Variants in MAPRE2 observed in about 807,000 individuals in gnomAD.
MAPRE2 encodes microtubule associated protein RP/EB family member 2.
A neutral mutation model predicts 43.2 loss-of-function variants in MAPRE2; 13 were observed. The observed-to-expected ratio is 0.30, with a 90% CI of 0.20 to 0.48. The LOEUF is 0.48. Among genes scored for constraint, MAPRE2 ranks in the 20% least tolerant of loss-of-function variants. MAPRE2 has a pLI of 0.99. For missense variants in MAPRE2, 161 were observed against 400.2 expected (o/e 0.40, Z 5.10); for synonymous variants, 135 against 148.8 (o/e 0.91, Z 0.68).
At chr18:35,059,827 A>G (rs1906429249) in intron 1 of MAPRE2, among the ~76,000 whole-genome samples, 1 of 152,176 alleles carries the variant, frequency 6.6e-6, no homozygotes, top group South Asian at 2.1e-4. Flanking sequence ...ATCCCTAAGG[A>G]TGAAACTTGA....
intron 2 of MAPRE2, among the ~76,000 whole-genome samples, chr18:35,013,667 T>C (rs1173830992): frequency 6.6e-6 from 1 of 152,122 alleles, no homozygotes; most frequent in African/African-American, 2.4e-5. Flanking sequence ...CCCTATCCTT[T>C]CCTTCCCCCA....
Position 34,993,563 on chromosome 18 carries a change from G to A in MAPRE2, c.-69-11929G>A, listed in dbSNP as rs527455854. On this transcript the variant is annotated intron_variant, in intron 1 of 7. Transcript: ENST00000413393. ...GACTGTAGTTGAGTCATGCTTGTGA[G>A]TATAGAAAGACCATACATCAACAGT... 1.6e-3 allele frequency among the ~76,000 whole-genome samples: 251 copies of A among 152,290 alleles called. 4 individuals are homozygous for A. The highest frequency in any genetic ancestry group is 5.4e-3 in the African/African-American group (226 of 41,548).
intron 2 of MAPRE2, among the ~76,000 whole-genome samples, chr18:35,076,164 A>G (rs1472595534): frequency 1.3e-5 from 2 of 152,176 alleles, no homozygotes; most frequent in African/African-American, 4.8e-5. Context: ...ACTACATTCA[A>G]TTCTATAATC....
chr18:35,115,707 C>T (rs1259676506), intron 4 of MAPRE2, among the ~76,000 whole-genome samples: 2 of 152,060 alleles, frequency 1.3e-5, no homozygotes, highest in African/African-American at 4.8e-5. Flanking sequence ...TATTTCATTC[C>T]TTTTTATGGC....
chr18:35,058,672 TA>T (rs1906366630), intron 1 of MAPRE2, among the ~76,000 whole-genome samples: 1 of 152,232 alleles, frequency 6.6e-6, no homozygotes, highest in South Asian at 2.1e-4. Context: ...TTCCCAGCGA[TA>T]AACTGAGTAA....
intron 1 of MAPRE2, among the ~76,000 whole-genome samples, chr18:35,063,135 A>G (rs551199874): frequency 4.6e-5 from 7 of 151,646 alleles, no homozygotes; most frequent in Non-Finnish European, 7.4e-5. Context: ...ATGGAGTCTC[A>G]CTCTGTCGCC....
intron 2 of MAPRE2, among the ~76,000 whole-genome samples, chr18:35,026,236 G>A (rs2097045110): frequency 6.6e-6 from 1 of 152,114 alleles, no homozygotes; most frequent in Non-Finnish European, 1.5e-5. Context: ...CAGACAGATG[G>A]GTAGAGAGGG....
intron 2 of MAPRE2, among the ~76,000 whole-genome samples, chr18:35,012,906 A>G (rs935967530): frequency 6.6e-6 from 1 of 152,190 alleles, no homozygotes; most frequent in Non-Finnish European, 1.5e-5. Context: ...AAATTTTGTT[A>G]TATGCATTTT....
chr18:35,133,145 T>C (rs1224528572), intron 6 of MAPRE2, among the ~76,000 whole-genome samples: 1 of 152,180 alleles, frequency 6.6e-6, no homozygotes, highest in South Asian at 2.1e-4. Flanking sequence ...TACTCTCTTA[T>C]TCCAGCTGAA....
chr18:35,058,607 C>T (rs766271115), intron 1 of MAPRE2, among the ~76,000 whole-genome samples: 14 of 152,130 alleles, frequency 9.2e-5, no homozygotes, highest in Non-Finnish European at 1.6e-4. Context: ...ATGACTCCTA[C>T]GATATTAACA....
intron 2 of MAPRE2, among the ~76,000 whole-genome samples, chr18:35,026,956 G>A (rs533634835): frequency 4.9e-4 from 74 of 152,276 alleles, no homozygotes; most frequent in Middle Eastern, 6.8e-3. Flanking sequence ...TTAAGCTTTT[G>A]ATACTTGAAA....
At chr18:35,098,729 C>T (rs1908539278) in intron 3 of MAPRE2, among the ~76,000 whole-genome samples, 1 of 152,138 alleles carries the variant, frequency 6.6e-6, no homozygotes, top group Non-Finnish European at 1.5e-5. Flanking sequence ...TCTATACATG[C>T]TTCTAGATTA....
In MAPRE2 at chr18:35,105,487, G is replaced by C. The variant is rs546482288; in HGVS notation, c.610+3328G>C. Reference sequence around the variant, plus strand: ...TGATAGGAGAAAGGCTCCTATAAATGCATTAAGACCTCATTTTTTCTAGAA... The same window carrying C: ...TGATAGGAGAAAGGCTCCTATAAATCCATTAAGACCTCATTTTTTCTAGAA... On this transcript the variant is annotated intron_variant, in intron 4 of 6. Coordinates refer to ENST00000300249, the MANE Select transcript of MAPRE2 (RefSeq NM_014268.4). Among the ~76,000 whole-genome samples the C allele has an allele frequency of 2.0e-3, 300 of 152,164 alleles. 2 individuals are homozygous for C. The highest frequency in any genetic ancestry group is 8.7e-3 in the South Asian group (42 of 4,820).
intron 2 of MAPRE2, among the ~76,000 whole-genome samples, chr18:35,017,235 G>A (rs1254635446): frequency 5.0e-5 from 5 of 99,330 alleles, no homozygotes; most frequent in African/African-American, 6.9e-5. Flanking sequence ...TGATGCCTCC[G>A]GTTTTGTTGT....
chr18:35,018,927 A>AG, intron 2 of MAPRE2, among the ~76,000 whole-genome samples: 1 of 151,892 alleles, frequency 6.6e-6, no homozygotes, highest in East Asian at 1.9e-4. Context: ...CATTAATGTA[A>AG]GGTCCTTCTT....
At chr18:34,992,637 T>C (rs564436779) in intron 1 of MAPRE2, among the ~76,000 whole-genome samples, 3 of 152,216 alleles carry the variant, frequency 2.0e-5, no homozygotes, top group Non-Finnish European at 4.4e-5. Context: ...CTATATTTTT[T>C]TCCTTTGGGG....
intron 1 of MAPRE2, among the ~76,000 whole-genome samples, chr18:34,985,371 A>T (rs866092567): frequency 5.9e-4 from 23 of 38,738 alleles, no homozygotes; most frequent in South Asian, 3.1e-3. Context: ...TATAATATAT[A>T]ATATATTATT....
chr18:35,060,049 G>A (rs556413), intron 1 of MAPRE2, among the ~76,000 whole-genome samples: 101,136 of 151,994 alleles, frequency 0.67, 33,918 homozygotes, highest in East Asian at 0.86. Context: ...TATTGCATGC[G>A]CCTGATTTTA....
chr18:35,030,798 T>C (rs1224330951), intron 2 of MAPRE2, among the ~76,000 whole-genome samples: 1 of 152,084 alleles, frequency 6.6e-6, no homozygotes, highest in Admixed American at 6.5e-5. Context: ...CCTTATCTTC[T>C]ACAGTTATCT....
Sources: allele counts gnomAD v4.1 joint callset (sites outside exome capture counted in the v4.1 genomes callset), GRCh38; gene constraint gnomAD v4.1.1; transcripts MANE v1.5; gene names NCBI Gene and HGNC (gene_info 2026-07-23, HGNC 2026-07-21).